Variants in MGLL observed in about 807,000 individuals in gnomAD.
MGLL encodes the protein lysophospholipase homolog.
MGLL carries 7 observed loss-of-function variants against 29.1 expected under a neutral mutation model. That is an observed-to-expected ratio of 0.24 (90% CI 0.14 to 0.45). The LOEUF (loss-of-function observed/expected upper bound fraction) is 0.45, where lower values mean the gene tolerates loss of function less well. Ranked by LOEUF, MGLL falls within the 20% of genes least tolerant of loss-of-function variation. The probability of loss-of-function intolerance (pLI) is 0.99; values close to 1 mark genes in which losing one functional copy is unlikely to be tolerated. For synonymous variants in MGLL, 148 were observed against 168.3 expected, an observed-to-expected ratio of 0.88 and a Z score of 0.93; for missense variants, 356 against 413.6, an observed-to-expected ratio of 0.86 and a Z score of 1.21.
At chr3:127,764,770 T>A (rs186357504) in intron 3 of MGLL, among the ~76,000 whole-genome samples, 41 of 152,192 alleles carry the variant, frequency 2.7e-4, no homozygotes, top group Non-Finnish European at 4.3e-4. Context: ...GTGACTGGAG[T>A]CAAATCAGGT....
At position 127,690,565 on chromosome 3, in the gene MGLL, G is replaced by A. The variant is rs1465238360; in HGVS notation, c.*1633C>T. On this transcript the variant is annotated 3_prime_UTR_variant, in exon 8 of 8. Coordinates refer to ENST00000265052, the MANE Select transcript of MGLL (RefSeq NM_007283.7). ...AGTTCCCGCTGCTGGAGGAAGAAGG[G>A]CGGGAGCCCCTGAGGCCTAGACTTC... 2 of 152,782 alleles carry A rather than the reference G, an allele frequency of 1.3e-5. No homozygotes were observed. Among genetic ancestry groups the A allele is most frequent in the Non-Finnish European group, 2.9e-5 (2 of 68,158 alleles). The allele number at this position is 152,782 out of a possible 1,614,324, so 9.5% of individuals were successfully genotyped here.
intron 3 of MGLL, among the ~76,000 whole-genome samples, chr3:127,724,480 G>A (rs1257587977): frequency 6.6e-6 from 1 of 152,198 alleles, no homozygotes; most frequent in Admixed American, 6.5e-5. Context: ...ACATTTGGAC[G>A]GTTCCCACCT....
At chr3:127,795,949 C>T (rs1248821085) in intron 2 of MGLL, among the ~76,000 whole-genome samples, 3 of 152,082 alleles carry the variant, frequency 2.0e-5, no homozygotes, top group African/African-American at 7.2e-5. Context: ...AAAATTTGTT[C>T]GTAATTATTT....
intron 3 of MGLL, among the ~76,000 whole-genome samples, chr3:127,759,627 A>C (rs1055834025): frequency 6.6e-6 from 1 of 152,218 alleles, no homozygotes; most frequent in African/African-American, 2.4e-5. Flanking sequence ...TCACAGAAGC[A>C]GTGCCACTTT....
chr3:127,749,330 G>A (rs1490989990), intron 3 of MGLL, among the ~76,000 whole-genome samples: 3 of 152,120 alleles, frequency 2.0e-5, no homozygotes, highest in African/African-American at 7.2e-5. Context: ...TCAGAACTTG[G>A]GAAGTGCAGC....
chr3:127,814,387 A>T (rs1050745012), intron 2 of MGLL, among the ~76,000 whole-genome samples: 2 of 152,126 alleles, frequency 1.3e-5, no homozygotes, highest in African/African-American at 4.8e-5. Flanking sequence ...ACTCCTACCA[A>T]CAAGAATCTT....
chr3:127,773,382 C>T (rs1027428929), intron 3 of MGLL, among the ~76,000 whole-genome samples: 1 of 152,244 alleles, frequency 6.6e-6, no homozygotes, highest in Non-Finnish European at 1.5e-5. Flanking sequence ...AAGAGGGAGA[C>T]AACAGTCTCA....
chr3:127,821,612 A>G (rs1250303227), intron 2 of MGLL, 82 bp downstream of exon 2: 2 of 1,542,422 alleles, frequency 1.3e-6, no homozygotes, highest in African/African-American at 2.7e-5. Context: ...GCCCCGCCCC[A>G]GATGGCACAT....
chr3:127,781,402 G>A (rs2077123291), intron 3 of MGLL, among the ~76,000 whole-genome samples: 1 of 152,198 alleles, frequency 6.6e-6, no homozygotes, highest in Non-Finnish European at 1.5e-5. Flanking sequence ...TAAACCTCGT[G>A]TGGTTAAACC....
At chr3:127,743,572 TAAAAAAAAAAAA>T (rs35691902) in intron 3 of MGLL, among the ~76,000 whole-genome samples, 8 of 40,700 alleles carry the variant, frequency 2.0e-4, no homozygotes, top group African/African-American at 9.5e-4. Context: ...CCACTAATGC[TAAAAAAAAAAAA>T]AAAAAAAAAA....
intron 2 of MGLL, among the ~76,000 whole-genome samples, chr3:127,817,113 C>T (rs1559989367): frequency 6.6e-6 from 1 of 152,186 alleles, no homozygotes; most frequent in Non-Finnish European, 1.5e-5. Context: ...TGACCGAGGT[C>T]TGAGGCAAGA....
chr3:127,720,845 C>T (rs1051978424), intron 5 of MGLL, among the ~76,000 whole-genome samples: 11 of 152,202 alleles, frequency 7.2e-5, no homozygotes, highest in African/African-American at 2.4e-4. Flanking sequence ...AAGGCATTGT[C>T]TTTTTGTCTT....
At chr3:127,718,025 C>G (rs2075848907) in intron 5 of MGLL, among the ~76,000 whole-genome samples, 1 of 152,200 alleles carries the variant, frequency 6.6e-6, no homozygotes, top group African/African-American at 2.4e-5. Context: ...GTTTGGGGCC[C>G]CCCCATCCAT....
In MGLL at chr3:127,781,877, G is replaced by A. The variant is rs1415925376; in HGVS notation, c.174C>T (p.Ser58=). ...GGCCACTGTGCTCTCCGGCTCCATGGGACACAAAGATGAGGGCCCTGCAGA... is the reference window on the plus strand; with the variant it reads ...GGCCACTGTGCTCTCCGGCTCCATGAGACACAAAGATGAGGGCCCTGCAGA... The part of the protein sequence containing the change: ...TGTPKALIFV[S]HGAGEHSGRY... The change falls in exon 3 of 8, where the codon TCC becomes TCT. Residue 58 remains serine, a synonymous_variant. Coordinates refer to ENST00000265052, the MANE Select transcript of MGLL (RefSeq NM_007283.7). The A allele has an allele frequency of 6.2e-7, 1 of 1,614,050 alleles. No individual in the cohort carries two copies. Among genetic ancestry groups the A allele is most frequent in the Non-Finnish European group, 8.5e-7 (1 of 1,180,004 alleles).
At chr3:127,700,984 G>C (rs1264080340) in intron 6 of MGLL, among the ~76,000 whole-genome samples, 1 of 152,076 alleles carries the variant, frequency 6.6e-6, no homozygotes, top group East Asian at 1.9e-4. Flanking sequence ...GGAGGACAAG[G>C]TGGGCAGATC....
chr3:127,701,798 G>A (rs16823666), intron 6 of MGLL, among the ~76,000 whole-genome samples: 21,654 of 152,086 alleles, frequency 0.14, 1,895 homozygotes, highest in East Asian at 0.29. Context: ...GACTGGCCCC[G>A]ATATCTCCGT....
chr3:127,751,268 T>C (rs1207449573), intron 3 of MGLL, among the ~76,000 whole-genome samples: 3 of 152,070 alleles, frequency 2.0e-5, no homozygotes, highest in Admixed American at 6.5e-5. Context: ...TCCATGCCGC[T>C]CTGCAAAGTG....
chr3:127,691,190 C>G lies in MGLL; in HGVS notation c.*1008G>C, dbSNP rs76232599. The G allele has an allele frequency of 0.15, 22,780 of 152,600 alleles. 2,323 individuals are homozygous for G. Among genetic ancestry groups the G allele is most frequent in the Non-Finnish European group, 0.21 (14,534 of 67,988 alleles). The allele number at this position is 152,600 out of a possible 1,614,324, so 9.5% of individuals were successfully genotyped here. ...TGGGCAGGAAGAGCACTGGGCCTTGCCCATAGGAAAGGCCCAGCCAAGTCC... is the reference window on the plus strand; with the variant it reads ...TGGGCAGGAAGAGCACTGGGCCTTGGCCATAGGAAAGGCCCAGCCAAGTCC... On this transcript the variant is annotated 3_prime_UTR_variant, in exon 8 of 8. Coordinates refer to ENST00000265052, the MANE Select transcript of MGLL (RefSeq NM_007283.7).
intron 2 of MGLL, among the ~76,000 whole-genome samples, chr3:127,817,971 C>G (rs965575263): frequency 6.6e-6 from 1 of 152,036 alleles, no homozygotes; most frequent in Non-Finnish European, 1.5e-5. Flanking sequence ...CCCCCTTTTT[C>G]TTTTTTTGAG....
Sources: allele counts gnomAD v4.1 joint callset (sites outside exome capture counted in the v4.1 genomes callset), GRCh38; gene constraint gnomAD v4.1.1; transcripts MANE v1.5; gene names NCBI Gene and HGNC (gene_info 2026-07-23, HGNC 2026-07-21).